The following POLE2 variants were observed in gnomAD, a reference collection of about 807,000 sequenced individuals.
POLE2 encodes the protein DNA polymerase epsilon subunit 2.
Under a neutral mutation model 79.4 loss-of-function variants are expected in POLE2, and 56 were observed. The ratio of observed to expected loss-of-function variants is 0.71; its 90% CI spans 0.57 to 0.88. POLE2 has a LOEUF of 0.88. POLE2 is among the 40% of genes least tolerant of loss of function. The pLI, the probability that POLE2 is intolerant of heterozygous loss-of-function variation, is 0.00. For missense variants in POLE2, 598 were observed against 638.9 expected (o/e 0.94, Z 0.69); for synonymous variants, 212 against 214.0 (o/e 0.99, Z 0.08).
At chr14:49,660,873 A>G (rs34280017) in intron 10 of POLE2, among the ~76,000 whole-genome samples, 33,800 of 152,138 alleles carry the variant, frequency 0.22, 4,015 homozygotes, top group Admixed American at 0.3. Context: ...CCTGGGCAAC[A>G]AGAGCAAAAC....
chr14:49,676,485 A>C (rs1222477378), intron 3 of POLE2, among the ~76,000 whole-genome samples: 1 of 152,240 alleles, frequency 6.6e-6, no homozygotes, highest in Non-Finnish European at 1.5e-5. Context: ...TATGAGAACA[A>C]GAGCCTCTAC....
In POLE2 at chr14:49,647,325, A is replaced by C. The variant is rs149157567; in HGVS notation, c.1533T>G (p.Val511=). 4.6e-4 allele frequency: 731 copies of C among 1,576,916 alleles called. 4 individuals carry two copies. Among genetic ancestry groups the C allele is most frequent in the Non-Finnish European group, 3.0e-4 (349 of 1,158,124 alleles). ...SFPRSGFSFK[V]FYPSNKTVED... is the part of the protein sequence containing the mutation. ...CTACTGTCTTATTAGAAGGATAAAA[A>C]ACTTTGAATGAAAATCCACTTCTTG... The change falls in exon 18 of 19, where the codon GTT becomes GTG. Residue 511 remains valine, a synonymous_variant. Coordinates refer to ENST00000216367, the MANE Select transcript of POLE2 (RefSeq NM_002692.4).
chr14:49,653,892 C>T (rs56224191), intron 15 of POLE2, 98 bp downstream of exon 15: 19 of 669,746 alleles, frequency 2.8e-5, no homozygotes, highest in Middle Eastern at 4.1e-4. Flanking sequence ...CTGCCTGCCT[C>T]GGCCTCCCAA....
intron 1 of POLE2, among the ~76,000 whole-genome samples, chr14:49,685,788 G>GTTTTT (rs1887088306): frequency 2.0e-5 from 3 of 146,742 alleles, no homozygotes; most frequent in African/African-American, 8.1e-5. Flanking sequence ...CTGGCTGGTT[G>GTTTTT]GTTTTTTTTT....
intron 3 of POLE2, chr14:49,677,414 C>A: frequency 2.1e-6 from 1 of 475,518 alleles, no homozygotes; most frequent in East Asian, 4.0e-5. Context: ...GGGTTAGGCC[C>A]ACAGGGACCT....
intron 3 of POLE2, among the ~76,000 whole-genome samples, chr14:49,676,492 C>T (rs1886283252): frequency 6.6e-6 from 1 of 152,222 alleles, no homozygotes; most frequent in Non-Finnish European, 1.5e-5. Context: ...ACAAGAGCCT[C>T]TACTGTGGTA....
chr14:49,682,154 G>C (rs1198840684), intron 2 of POLE2, among the ~76,000 whole-genome samples: 1 of 151,234 alleles, frequency 6.6e-6, no homozygotes. Context: ...ACAGGCGCCT[G>C]CCACCATGCC....
chr14:49,648,122 C>A (rs4898627), intron 17 of POLE2, among the ~76,000 whole-genome samples: 34,703 of 152,180 alleles, frequency 0.23, 4,258 homozygotes, highest in Admixed American at 0.3. Flanking sequence ...TCCTATGTGC[C>A]TGTAAAGCAA....
intron 17 of POLE2, among the ~76,000 whole-genome samples, chr14:49,648,059 CCT>C (rs1160937478): frequency 2.6e-5 from 4 of 152,140 alleles, no homozygotes; most frequent in Non-Finnish European, 5.9e-5. Flanking sequence ...CTTTCCTGCC[CCT>C]CTCTCTAATG....
chr14:49,656,619 C>T (rs773514245), intron 10 of POLE2, among the ~76,000 whole-genome samples: 5 of 152,082 alleles, frequency 3.3e-5, no homozygotes, highest in African/African-American at 4.8e-5. Flanking sequence ...CAATGCTCAC[C>T]AAGCAAGGGT....
intron 10 of POLE2, among the ~76,000 whole-genome samples, chr14:49,656,310 T>G (rs961951370): frequency 6.7e-6 from 1 of 149,674 alleles, no homozygotes. Flanking sequence ...GAGCCGAGAT[T>G]GCGCCACTGC....
intron 18 of POLE2, chr14:49,646,890 C>G (rs965803290): frequency 1.3e-5 from 2 of 156,264 alleles, no homozygotes; most frequent in Non-Finnish European, 2.8e-5. Context: ...CAAGACCTTT[C>G]CGTAACTCCA....
At chr14:49,655,458 AAC>A (rs35575577) in intron 11 of POLE2, among the ~76,000 whole-genome samples, 27,958 of 143,090 alleles carry the variant, frequency 0.2, 2,812 homozygotes, top group Admixed American at 0.29. Context: ...CATGACTATA[AAC>A]ACACACACAC....
intron 3 of POLE2, chr14:49,677,359 A>G (rs1383910483): frequency 9.8e-6 from 5 of 507,952 alleles, no homozygotes; most frequent in Non-Finnish European, 7.2e-6. Flanking sequence ...CAAATCCTTC[A>G]GCTCCTGCTG....
chr14:49,645,734 G>C (rs1363657905), intron 18 of POLE2, among the ~76,000 whole-genome samples: 6 of 152,166 alleles, frequency 3.9e-5, no homozygotes, highest in Admixed American at 2.0e-4. Flanking sequence ...GAGCTCAAGT[G>C]ATCTTCCCAC....
chr14:49,651,286 A>G lies in POLE2; in HGVS notation c.1303T>C (p.Leu435=). ...RNCVRFPSSN[L]AIPNHFVKTI... is the part of the protein sequence containing the mutation. ...TCACTTACGTGATTAGGAATAGCCA[A>G]ATTGCTGCTAGGAAAACGGACGCAG... Residue 435 remains leucine, a synonymous_variant, in exon 16 of 19, where the codon TTG becomes CTG. Coordinates refer to ENST00000216367, the MANE Select transcript of POLE2 (RefSeq NM_002692.4). 1 of 1,582,626 alleles carries G rather than the reference A, an allele frequency of 6.3e-7. No homozygotes were observed. The highest frequency in any genetic ancestry group is 8.7e-7 in the Non-Finnish European group (1 of 1,152,732).
chr14:49,651,106 A>G (rs529781650), intron 16 of POLE2, among the ~76,000 whole-genome samples, 163 bp downstream of exon 16: 3 of 152,350 alleles, frequency 2.0e-5, no homozygotes, highest in South Asian at 2.1e-4. Context: ...GCTGAGAAAC[A>G]CTGACTTCAC....
At position 49,663,097 on chromosome 14, in the gene POLE2, C is replaced by T. The variant is rs559815574; in HGVS notation, c.755+218G>A. Among the ~76,000 whole-genome samples the T allele has an allele frequency of 6.6e-5, 10 of 152,284 alleles. No homozygotes were observed. In the East Asian group the frequency reaches 1.7e-3, roughly 26 times the overall value. On this transcript the variant is annotated intron_variant, in intron 10 of 18. Coordinates refer to ENST00000216367, the MANE Select transcript of POLE2 (RefSeq NM_002692.4). ...ACTGGAAATCTTTCCCAGTTAAAGCCGAAGTACAAAGACGGTATTGCAACT... is the reference window on the plus strand; with the variant it reads ...ACTGGAAATCTTTCCCAGTTAAAGCTGAAGTACAAAGACGGTATTGCAACT...
In POLE2 at chr14:49,647,318, G is replaced by A. The variant is rs1302165595; in HGVS notation, c.1540C>T (p.Pro514Ser). 2.6e-6 allele frequency: 4 copies of A among 1,567,322 alleles called. No individual in the cohort carries two copies. Among genetic ancestry groups the A allele is most frequent in the Admixed American group, 3.6e-5 (2 of 55,446 alleles). ...RSGFSFKVFYPSNKTVEDSKL... is the reference protein window; with the variant it reads ...RSGFSFKVFYSSNKTVEDSKL... ...CTATCTTCTACTGTCTTATTAGAAG[G>A]ATAAAAAACTTTGAATGAAAATCCA... Residue 514 changes from proline (P) to serine (S), a missense_variant, in exon 18 of 19, where the codon CCT becomes TCT. Pro to Ser is a moderately conservative substitution (Grantham distance 74, BLOSUM62 -1). Transcript: ENST00000216367.
Sources: allele counts gnomAD v4.1 joint callset (sites outside exome capture counted in the v4.1 genomes callset), GRCh38; gene constraint gnomAD v4.1.1; transcripts MANE v1.5; gene names NCBI Gene and HGNC (gene_info 2026-07-23, HGNC 2026-07-21).